PLEKHA5: variants seen among roughly 807,000 people sequenced by gnomAD.
PLEKHA5 encodes pleckstrin homology domain-containing family A member 5.
In PLEKHA5, 55 loss-of-function variants were observed where a neutral mutation model predicts 181.9. That is an observed-to-expected ratio of 0.30 (90% CI 0.24 to 0.38). The LOEUF is 0.38. Among genes scored for constraint, PLEKHA5 ranks in the 10% least tolerant of loss-of-function variants. The pLI is 1.00. For synonymous variants in PLEKHA5, 535 were observed against 529.4 expected, an observed-to-expected ratio of 1.01 and a Z score of -0.15; for missense variants, 1,432 against 1,549.5, an observed-to-expected ratio of 0.92 and a Z score of 1.27.
chr12:19,286,942 G>A (rs533875773), intron 12 of PLEKHA5, among the ~76,000 whole-genome samples: 1 of 148,346 alleles, frequency 6.7e-6, no homozygotes, highest in East Asian at 2.0e-4. Flanking sequence ...TCCAGGCTGG[G>A]CAACAGAGTG....
intron 20 of PLEKHA5, 76 bp downstream of exon 20, chr12:19,322,743 C>T (rs1380013525): frequency 5.3e-6 from 5 of 942,206 alleles, no homozygotes; most frequent in Non-Finnish European, 6.5e-6. Flanking sequence ...TTTTTTAATA[C>T]TGGGCTCTCT....
intron 12 of PLEKHA5, among the ~76,000 whole-genome samples, chr12:19,286,129 C>T (rs933556671): frequency 6.6e-5 from 10 of 152,150 alleles, no homozygotes; most frequent in East Asian, 1.9e-4. Context: ...GACAGCTTTC[C>T]GGTGCTTAAA....
Position 19,336,506 on chromosome 12 carries a change from TGG to T in PLEKHA5, c.2449-8_2449-7del. 1 of 1,452,396 alleles carries T rather than the reference TGG, an allele frequency of 6.9e-7. No individual in the cohort carries two copies. The highest frequency in any genetic ancestry group is 1.4e-5 in the African/African-American group (1 of 71,618). 90.0% of individuals were successfully genotyped at this position (1,452,396 alleles called of 1,614,324 possible). ...CCCCATTAAAGTAATTAACACTTTT[TGG>T]TTTTAGGAATTGGAACGAGCATGGA... On this transcript the variant is annotated splice_region_variant and splice_polypyrimidine_tract_variant and intron_variant, in intron 20 of 31. Transcript: ENST00000429027.
chr12:19,195,072 G>A (rs888639567), intron 3 of PLEKHA5, among the ~76,000 whole-genome samples: 9 of 152,054 alleles, frequency 5.9e-5, no homozygotes, highest in East Asian at 1.9e-4. Flanking sequence ...ATTCTGTAGG[G>A]TGAGAAATAG....
At chr12:19,285,672 TGG>T in intron 12 of PLEKHA5, among the ~76,000 whole-genome samples, 1 of 152,370 alleles carries the variant, frequency 6.6e-6, no homozygotes, top group East Asian at 1.9e-4. Flanking sequence ...ACTATGCTAG[TGG>T]TCATTGTAGC....
At chr12:19,168,499 A>G (rs2045090432) in intron 3 of PLEKHA5, among the ~76,000 whole-genome samples, 1 of 78,808 alleles carries the variant, frequency 1.3e-5, no homozygotes, top group Non-Finnish European at 4.5e-5. Flanking sequence ...GTGATTTAAA[A>G]AAAAAACAAA....
At chr12:19,259,459 A>G (rs962357690) in intron 6 of PLEKHA5, among the ~76,000 whole-genome samples, 2 of 151,980 alleles carry the variant, frequency 1.3e-5, no homozygotes, top group Non-Finnish European at 2.9e-5. Flanking sequence ...ATAATGAAGT[A>G]ATTGAAGATG....
intron 2 of PLEKHA5, among the ~76,000 whole-genome samples, chr12:19,131,375 T>A (rs977168293): frequency 6.6e-5 from 10 of 152,224 alleles, no homozygotes; most frequent in African/African-American, 1.9e-4. Context: ...GCAAGCATGA[T>A]GAGCTTACAT....
At chr12:19,165,284 C>A (rs2044055108) in intron 3 of PLEKHA5, among the ~76,000 whole-genome samples, 1 of 152,174 alleles carries the variant, frequency 6.6e-6, no homozygotes, top group Admixed American at 6.5e-5. Context: ...TTGTAAGAAA[C>A]ACACACTGTC....
chr12:19,328,103 G>C (rs904395005), intron 20 of PLEKHA5, among the ~76,000 whole-genome samples: 1 of 152,106 alleles, frequency 6.6e-6, no homozygotes, highest in Non-Finnish European at 1.5e-5. Context: ...TTTCCACATT[G>C]CTTATTTTTG....
At chr12:19,159,026 T>G (rs1320090277) in intron 3 of PLEKHA5, among the ~76,000 whole-genome samples, 1 of 152,218 alleles carries the variant, frequency 6.6e-6, no homozygotes, top group Admixed American at 6.5e-5. Context: ...CCGGACAAAT[T>G]ACTGAATCTG....
At chr12:19,347,281 C>T (rs2094382510) in intron 24 of PLEKHA5, 99 bp downstream of exon 24, 7 of 564,980 alleles carry the variant, frequency 1.2e-5, no homozygotes, top group Non-Finnish European at 2.0e-5. Context: ...TTATTATAAC[C>T]TTTATAACCT....
intron 13 of PLEKHA5, among the ~76,000 whole-genome samples, chr12:19,290,357 G>C (rs2078147303): frequency 6.6e-6 from 1 of 152,104 alleles, no homozygotes; most frequent in Non-Finnish European, 1.5e-5. Context: ...TAATTTTTTA[G>C]TAGCACTTAT....
chr12:19,353,792 AT>A (rs1346102321), intron 25 of PLEKHA5, 91 bp from the exon 26 acceptor site: 1 of 733,946 alleles, frequency 1.4e-6, no homozygotes, highest in Non-Finnish European at 2.4e-6. Flanking sequence ...TTGCTTTCTG[AT>A]TTTAAAAAGT....
intron 3 of PLEKHA5, among the ~76,000 whole-genome samples, chr12:19,156,900 A>G (rs1380744497): frequency 2.8e-5 from 4 of 143,154 alleles, no homozygotes; most frequent in Non-Finnish European, 3.2e-5. Flanking sequence ...AATACCAAAA[A>G]AAAAAAAAAA....
At chr12:19,343,927 C>T (rs2094135123) in intron 22 of PLEKHA5, among the ~76,000 whole-genome samples, 1 of 152,044 alleles carries the variant, frequency 6.6e-6, no homozygotes, top group African/African-American at 2.4e-5. Context: ...TGGCGCATGC[C>T]TGTAGTCCCA....
At chr12:19,292,596 C>T (rs1363049332) in intron 15 of PLEKHA5, among the ~76,000 whole-genome samples, 1 of 152,104 alleles carries the variant, frequency 6.6e-6, no homozygotes, top group Non-Finnish European at 1.5e-5. Context: ...CTAGCATTAC[C>T]TCAGTGGTGG....
At chr12:19,362,403 G>A (rs2095279036) in intron 29 of PLEKHA5, among the ~76,000 whole-genome samples, 1 of 151,902 alleles carries the variant, frequency 6.6e-6, no homozygotes, top group Non-Finnish European at 1.5e-5. Flanking sequence ...ACATGGTGGT[G>A]CATGTCTGTG....
At chr12:19,369,566 C>A in intron 30 of PLEKHA5, 127 bp from the exon 31 acceptor site, 1 of 545,208 alleles carries the variant, frequency 1.8e-6, no homozygotes, top group South Asian at 2.6e-5. Flanking sequence ...CACAATAGAA[C>A]CAAATGTATC....
Sources: gnomAD v4.1 joint callset for allele counts (sites outside exome capture counted in the v4.1 genomes callset) on GRCh38, gnomAD v4.1.1 for gene constraint, MANE v1.5 for transcripts, NCBI Gene and HGNC (gene_info 2026-07-23, HGNC 2026-07-21) for gene names.